The following FKBP6 variants were observed in gnomAD, a reference collection of about 807,000 sequenced individuals.
The protein encoded by FKBP6 is inactive peptidyl-prolyl cis-trans isomerase FKBP6.
A neutral mutation model predicts 41.7 loss-of-function variants in FKBP6; 29 were observed. The ratio of observed to expected loss-of-function variants is 0.70; its 90% CI spans 0.52 to 0.95. The LOEUF (loss-of-function observed/expected upper bound fraction) is 0.95. Among genes scored for constraint, FKBP6 ranks in the 40% least tolerant of loss-of-function variants. The pLI is 0.00. For synonymous variants in FKBP6, 130 were observed against 165.1 expected, an observed-to-expected ratio of 0.79 and a Z score of 1.63; for missense variants, 338 against 408.7, an observed-to-expected ratio of 0.83 and a Z score of 1.49.
Position 73,342,854 on chromosome 7 carries a change from T to C in FKBP6, c.941T>C (p.Met314Thr). 1.2e-6 allele frequency: 2 copies of C among 1,614,128 alleles called. No individual in the cohort carries two copies. The highest frequency in any genetic ancestry group is 1.7e-6 in the Non-Finnish European group (2 of 1,179,930). ...AAAGAGAAAGAAATGTGGCACCGCA[T>C]GTTCGCGCCCTGTGGCGATGGTTCT... Reference protein sequence around the residue: ...VDKEKEMWHRMFAPCGDGSTA... With the variant: ...VDKEKEMWHRTFAPCGDGSTA... The change falls in exon 8 of 9, where the codon ATG becomes ACG. Residue 314 changes from methionine (M) to threonine (T), a missense_variant. Met to Thr is a moderately conservative substitution (Grantham distance 81). This residue lies in a region of FKBP6 where 239 missense variants were observed against 250.1 expected (regional missense o/e 0.96). Transcript: ENST00000252037.
chr7:73,346,160 T>C (rs1165532460), intron 8 of FKBP6, among the ~76,000 whole-genome samples: 1 of 152,216 alleles, frequency 6.6e-6, no homozygotes, highest in Non-Finnish European at 1.5e-5. Flanking sequence ...TGTTGCCTGC[T>C]GTTCCCAAAC....
intron 8 of FKBP6, among the ~76,000 whole-genome samples, chr7:73,356,635 TAA>T (rs1805639211): frequency 2.0e-5 from 3 of 152,356 alleles, no homozygotes; most frequent in Admixed American, 2.0e-4. Context: ...TGTTTCTCTA[TAA>T]CCAAACACCT....
Position 73,328,355 on chromosome 7 carries a change from C to T in FKBP6, c.-74C>T. Reference sequence around the variant, plus strand: ...GCATAAAGGGGCCTTCGGAACCCCACCAGAGTCACAGCCAGGGAGGGCAGC... The same window carrying T: ...GCATAAAGGGGCCTTCGGAACCCCATCAGAGTCACAGCCAGGGAGGGCAGC... On this transcript the variant is annotated 5_prime_UTR_variant, in exon 1 of 9. Transcript: ENST00000252037. 6.4e-7 allele frequency: 1 copy of T among 1,559,812 alleles called. No individual in the cohort carries two copies. The highest frequency in any genetic ancestry group is 2.2e-4 in the Middle Eastern group (1 of 4,592).
intron 8 of FKBP6, among the ~76,000 whole-genome samples, chr7:73,353,883 G>A (rs539283396): frequency 6.4e-4 from 97 of 152,186 alleles, no homozygotes; most frequent in African/African-American, 2.1e-3. Flanking sequence ...ACAGGCGTGC[G>A]CCACCACGCC....
intron 8 of FKBP6, among the ~76,000 whole-genome samples, chr7:73,357,306 A>G (rs868982036): frequency 2.2e-4 from 24 of 108,202 alleles, no homozygotes; most frequent in African/African-American, 8.0e-4. Flanking sequence ...ACGGAGTCTC[A>G]CTCTGTCACT....
chr7:73,334,405 A>G (rs192393483), intron 5 of FKBP6, among the ~76,000 whole-genome samples: 1 of 32,184 alleles, frequency 3.1e-5, no homozygotes, highest in African/African-American at 1.2e-4. Flanking sequence ...CCCCCTCCCC[A>G]CCTAGTTTCC....
At chr7:73,356,527 T>C (rs1337877751) in intron 8 of FKBP6, among the ~76,000 whole-genome samples, 1 of 152,214 alleles carries the variant, frequency 6.6e-6, no homozygotes, top group Non-Finnish European at 1.5e-5. Flanking sequence ...GGTTGGTGTA[T>C]CTCAAATAGG....
At chr7:73,346,445 CT>C (rs1414743781) in intron 8 of FKBP6, among the ~76,000 whole-genome samples, 4 of 152,222 alleles carry the variant, frequency 2.6e-5, no homozygotes, top group Non-Finnish European at 4.4e-5. Context: ...GGGAGCACCC[CT>C]GATCAGAAAG....
rs143664466 is a variant in FKBP6 at position 73,331,707 on chromosome 7, G to A, written c.519G>A (p.Thr173=). ...AGAAGGTCCTGAAAGTGGCAGCTACGGAACGGGAGTTTGGCAACTACCTTT... is the reference window on the plus strand; with the variant it reads ...AGAAGGTCCTGAAAGTGGCAGCTACAGAACGGGAGTTTGGCAACTACCTTT... ...PLQKVLKVAA[T]EREFGNYLFR... is the part of the protein sequence containing the mutation. Residue 173 remains threonine (T), a synonymous_variant, in exon 5 of 9, where the codon ACG becomes ACA. Coordinates refer to ENST00000252037, the MANE Select transcript of FKBP6 (RefSeq NM_003602.5). 2.5e-4 allele frequency: 398 copies of A among 1,613,844 alleles called. 1 individual carries two copies. In the African/African-American group the frequency reaches 4.7e-3, roughly 19 times the overall value.
At chr7:73,341,438 T>C in intron 7 of FKBP6, 56 bp downstream of exon 7, 1 of 1,077,178 alleles carries the variant, frequency 9.3e-7, no homozygotes, top group Non-Finnish European at 1.4e-6. Flanking sequence ...GACTCTGGTC[T>C]GTCCCCCCAC....
At chr7:73,350,535 C>T (rs1353459896) in intron 8 of FKBP6, among the ~76,000 whole-genome samples, 3 of 152,090 alleles carry the variant, frequency 2.0e-5, no homozygotes, top group Non-Finnish European at 4.4e-5. Context: ...GAGGAAATTC[C>T]CCCCTCCTTT....
intron 8 of FKBP6, among the ~76,000 whole-genome samples, chr7:73,356,526 A>T (rs1805637251): frequency 2.0e-5 from 3 of 152,190 alleles, no homozygotes; most frequent in Admixed American, 2.0e-4. Flanking sequence ...AGGTTGGTGT[A>T]TCTCAAATAG....
chr7:73,355,209 C>A (rs949155928), intron 8 of FKBP6, among the ~76,000 whole-genome samples: 2 of 152,212 alleles, frequency 1.3e-5, no homozygotes, highest in Non-Finnish European at 2.9e-5. Flanking sequence ...CAGCTGGAGT[C>A]GGCTGTGGAC....
At chr7:73,336,012 A>T (rs1411427366) in intron 5 of FKBP6, among the ~76,000 whole-genome samples, 6 of 152,188 alleles carry the variant, frequency 3.9e-5, no homozygotes, top group Non-Finnish European at 7.3e-5. Context: ...TGTCTGGGTC[A>T]CACAAGTATG....
intron 8 of FKBP6, among the ~76,000 whole-genome samples, chr7:73,351,390 C>CCT (rs1201726910): frequency 6.6e-6 from 1 of 151,794 alleles, no homozygotes; most frequent in Admixed American, 6.6e-5. Flanking sequence ...TTTTTCCCCT[C>CCT]CTCTAAATGG....
At chr7:73,336,788 C>G (rs1374703611) in intron 5 of FKBP6, 1 of 456,480 alleles carries the variant, frequency 2.2e-6, no homozygotes, top group African/African-American at 2.0e-5. Context: ...GCGGCTGAAC[C>G]TGTTAACAGG....
rs71925165 is a variant in FKBP6, at chr7:73,356,065, C to CAAA, written c.*3-2091_*3-2089dup. 2.5e-4 allele frequency among the ~76,000 whole-genome samples: 8 copies of CAAA among 32,190 alleles called. 1 individual carries two copies. The highest frequency in any genetic ancestry group is 7.5e-4 in the Admixed American group (2 of 2,682). 21.1% of individuals were successfully genotyped at this position (32,190 alleles called of 152,430 possible). A position where few individuals can be genotyped will look rare whatever the true frequency, so the allele number is the denominator to read the frequency against. On this transcript the variant is annotated intron_variant, in intron 8 of 8. Transcript: ENST00000252037. Reference sequence around the variant, plus strand: ...TGGGCGACAGAGCAAGACTCTGTCTCAAAAAAAAAAAAAAAAAAAAAAAAA... The same window carrying CAAA: ...TGGGCGACAGAGCAAGACTCTGTCTCAAAAAAAAAAAAAAAAAAAAAAAAAAAA...
At chr7:73,341,698 C>T (rs1369112377) in intron 7 of FKBP6, among the ~76,000 whole-genome samples, 6 of 146,470 alleles carry the variant, frequency 4.1e-5, no homozygotes, top group African/African-American at 1.5e-4. Flanking sequence ...GAGTCCCTCT[C>T]TGTCACCTAG....
chr7:73,342,985 T>C, intron 8 of FKBP6, 86 bp downstream of exon 8: 1 of 931,468 alleles, frequency 1.1e-6, no homozygotes, highest in Non-Finnish European at 1.8e-6. Context: ...GGTGGCTGTC[T>C]GCAGCTGAGG....
Sources: gnomAD v4.1 joint callset for allele counts (sites outside exome capture counted in the v4.1 genomes callset) on GRCh38, gnomAD v4.1.1 for gene constraint, gnomAD v4.1.1 regional missense constraint, MANE v1.5 for transcripts, NCBI Gene and HGNC (gene_info 2026-07-23, HGNC 2026-07-21) for gene names.